KIF13A: variants seen among roughly 807,000 people sequenced by gnomAD.
KIF13A encodes kinesin-like protein KIF13A.
A neutral mutation model predicts 212.2 loss-of-function variants in KIF13A; 79 were observed. The observed-to-expected ratio is 0.37, with a 90% CI of 0.31 to 0.45. The LOEUF (loss-of-function observed/expected upper bound fraction) is 0.45, where lower values mean the gene tolerates loss of function less well. KIF13A is among the 20% of genes least tolerant of loss of function. The probability of loss-of-function intolerance (pLI) is 1.00; values close to 1 mark genes in which losing one functional copy is unlikely to be tolerated. For missense variants in KIF13A, 1,901 were observed against 2,209.0 expected, an observed-to-expected ratio of 0.86 and a Z score of 2.79; for synonymous variants, 789 against 808.6, an observed-to-expected ratio of 0.98 and a Z score of 0.41.
chr6:17,783,664 G>C lies in KIF13A; in HGVS notation c.3526C>G (p.Leu1176Val). The C allele has an allele frequency of 6.3e-7, 1 of 1,581,386 alleles. No individual in the cohort carries two copies. Among genetic ancestry groups the C allele is most frequent in the Non-Finnish European group, 8.6e-7 (1 of 1,160,110 alleles). The change falls in exon 29 of 39, where the codon CTC (leucine) becomes GTC (valine). Residue 1176 changes from leucine to valine, a missense_variant. This residue lies in a region of KIF13A where 168 missense variants were observed against 250.9 expected (regional missense o/e 0.67). Coordinates refer to ENST00000259711, the MANE Select transcript of KIF13A (RefSeq NM_022113.6). The surrounding 1 kb of genome is among the most constrained non-coding windows in gnomAD (Gnocchi z 4.3). ...PPGMETHIPVLFLDLNADDLS... is the reference protein window; with the variant it reads ...PPGMETHIPVVFLDLNADDLS... ...TACTTACCATTCAAATCGAGGAAGA[G>C]AACTGGTATGTGGGTTTCCATTCCA...
At position 17,967,164 on chromosome 6, in the gene KIF13A, A is replaced by AG. The variant is rs1380483975; in HGVS notation, c.146+19889dup. On this transcript the variant is annotated intron_variant, in intron 2 of 38. Coordinates refer to ENST00000259711, the MANE Select transcript of KIF13A (RefSeq NM_022113.6). The surrounding 1 kb of genome is among the most constrained non-coding windows in gnomAD (Gnocchi z 4.1). ...GCAAAACAGAAAATTTCAACAAGGC[A>AG]GAACTTTGTCTTGGACTAAACATTC... is the stretch of plus-strand genomic sequence containing the variant. Among the ~76,000 whole-genome samples the AG allele has an allele frequency of 6.6e-5, 10 of 152,252 alleles. 1 individual carries two copies. Among genetic ancestry groups the AG allele is most frequent in the Admixed American group, 6.5e-4 (10 of 15,290 alleles).
At chr6:17,974,910 T>C (rs568820419) in intron 2 of KIF13A, among the ~76,000 whole-genome samples, 82 of 152,378 alleles carry the variant, frequency 5.4e-4, no homozygotes, top group Non-Finnish European at 7.6e-4. Context: ...ATAGGGCTAC[T>C]GGCTACCACA....
At chr6:17,975,575 A>G (rs1401120005) in intron 2 of KIF13A, among the ~76,000 whole-genome samples, 1 of 152,142 alleles carries the variant, frequency 6.6e-6, no homozygotes. Flanking sequence ...ACAGAACAAA[A>G]CGCGAACAAG....
chr6:17,920,032 T>C (rs1226311821), intron 2 of KIF13A, among the ~76,000 whole-genome samples: 1 of 152,252 alleles, frequency 6.6e-6, no homozygotes, highest in Admixed American at 6.5e-5. Context: ...ACAATTTCAA[T>C]GATTTAGGAT....
intron 3 of KIF13A, among the ~76,000 whole-genome samples, chr6:17,887,751 T>C (rs375141846): frequency 3.9e-5 from 6 of 152,170 alleles, no homozygotes; most frequent in African/African-American, 1.2e-4. Flanking sequence ...TACAGTGCAG[T>C]GGCAGGATCT....
rs540158862 is a variant in KIF13A at position 17,820,174 on chromosome 6, T to C, written c.1787-2941A>G. Among the ~76,000 whole-genome samples, 3 of 152,284 alleles carry C rather than the reference T, an allele frequency of 2.0e-5. No individual in the cohort carries two copies. In the East Asian group the frequency reaches 5.8e-4, roughly 29 times the overall value. On this transcript the variant is annotated intron_variant, in intron 16 of 38. Coordinates refer to ENST00000259711, the MANE Select transcript of KIF13A (RefSeq NM_022113.6). ...CTATTTGAAACTGCACCAGCAGCTG[T>C]CATGACACAGCACTACCACTACTCA...
intron 11 of KIF13A, among the ~76,000 whole-genome samples, chr6:17,835,779 A>G (rs1417514806): frequency 6.6e-6 from 1 of 152,208 alleles, no homozygotes; most frequent in Non-Finnish European, 1.5e-5. Flanking sequence ...TCTTCTATTG[A>G]TTACTTTTTG....
intron 2 of KIF13A, among the ~76,000 whole-genome samples, chr6:17,923,856 T>C (rs1423962886): frequency 6.6e-6 from 1 of 152,170 alleles, no homozygotes; most frequent in East Asian, 1.9e-4. Flanking sequence ...GGCACAACTC[T>C]TAAAAACCTT....
intron 38 of KIF13A, 109 bp from the exon 39 acceptor site, chr6:17,765,055 A>G (rs1489339813): frequency 4.8e-6 from 4 of 837,786 alleles, no homozygotes; most frequent in Non-Finnish European, 7.3e-6. Flanking sequence ...CATGGTGTTC[A>G]GTGTTTTCTT....
intron 29 of KIF13A, among the ~76,000 whole-genome samples, 177 bp from the exon 30 acceptor site, chr6:17,781,478 T>C (rs1480003161): frequency 6.6e-6 from 1 of 152,148 alleles, no homozygotes; most frequent in Admixed American, 6.6e-5. Flanking sequence ...AACAGCTTTT[T>C]TTCTTTTTTA....
chr6:17,930,780 G>T (rs1340046680), intron 2 of KIF13A, among the ~76,000 whole-genome samples: 2 of 152,196 alleles, frequency 1.3e-5, no homozygotes, highest in Non-Finnish European at 2.9e-5. Context: ...CTTCTAACAG[G>T]CTTTCTCAAG....
At chr6:17,949,092 C>T (rs1777656039) in intron 2 of KIF13A, among the ~76,000 whole-genome samples, 1 of 152,160 alleles carries the variant, frequency 6.6e-6, no homozygotes, top group Non-Finnish European at 1.5e-5. Flanking sequence ...GGGGAATGTA[C>T]ACCATCTCAA....
chr6:17,966,819 AT>A (rs1261201708), intron 2 of KIF13A, among the ~76,000 whole-genome samples: 1 of 152,150 alleles, frequency 6.6e-6, no homozygotes, highest in Admixed American at 6.5e-5. Context: ...AATATCTAAC[AT>A]TTTTTGAGTA....
At chr6:17,821,698 T>C in intron 16 of KIF13A, 6 of 1,408,326 alleles carry the variant, frequency 4.3e-6, no homozygotes, top group South Asian at 1.4e-5. Flanking sequence ...AGTTAGATTT[T>C]TGCCAAAGCA....
intron 12 of KIF13A, among the ~76,000 whole-genome samples, chr6:17,833,561 A>G (rs1765651505): frequency 6.6e-6 from 1 of 151,066 alleles, no homozygotes; most frequent in African/African-American, 2.4e-5. Context: ...AGGGCCCTTA[A>G]AAGACTTTCT....
At chr6:17,775,215 A>G (rs1759846917) in intron 34 of KIF13A, among the ~76,000 whole-genome samples, 153 bp from the exon 35 acceptor site, 1 of 152,052 alleles carries the variant, frequency 6.6e-6, no homozygotes. Context: ...ACTACTCTCA[A>G]TTTGGGGTTT....
At position 17,971,914 on chromosome 6, in the gene KIF13A, T is replaced by TA. The variant is rs1408204178; in HGVS notation, c.146+15139dup. ...TAAATAATAATCTAGCTAGAGAGCT[T>TA]AAAAAAAATGTCCCTAGGATTACAG... On this transcript the variant is annotated intron_variant, in intron 2 of 38. Coordinates refer to ENST00000259711, the MANE Select transcript of KIF13A (RefSeq NM_022113.6). The surrounding 1 kb of genome is among the most constrained non-coding windows in gnomAD (Gnocchi z 4.2). Among the ~76,000 whole-genome samples the TA allele has an allele frequency of 1.3e-5, 2 of 151,770 alleles. No individual in the cohort carries two copies. The highest frequency in any genetic ancestry group is 1.5e-5 in the Non-Finnish European group (1 of 67,932).
downstream of KIF13A, among the ~76,000 whole-genome samples, chr6:17,761,035 T>C (rs116450638): frequency 0.015 from 2,243 of 152,032 alleles, 58 homozygotes; most frequent in African/African-American, 0.051. Context: ...AGTGCTGGAA[T>C]CCACATTGTA....
In KIF13A at chr6:17,915,150, T is replaced by C. The variant is rs562324437; in HGVS notation, c.147-16970A>G. On this transcript the variant is annotated intron_variant, in intron 2 of 38. Coordinates refer to ENST00000259711, the MANE Select transcript of KIF13A (RefSeq NM_022113.6). The surrounding 1 kb of genome is among the most constrained non-coding windows in gnomAD (Gnocchi z 4.4). ...ATTAGGGAGTCAGAACCAAACTTCA[T>C]GCTCCATGTAATAGCTTCAGGGTTA... Among the ~76,000 whole-genome samples, 2 of 152,368 alleles carry C rather than the reference T, an allele frequency of 1.3e-5. No homozygotes were observed. The highest frequency in any genetic ancestry group is 4.1e-4 in the South Asian group (2 of 4,832).
Sources: allele counts gnomAD v4.1 joint callset (sites outside exome capture counted in the v4.1 genomes callset), GRCh38; gene constraint gnomAD v4.1.1; regional missense constraint gnomAD v4.1.1; non-coding constraint Gnocchi (gnomAD v3.1); transcripts MANE v1.5; gene names NCBI Gene and HGNC (gene_info 2026-07-23, HGNC 2026-07-21).